The following SPCS2 variants were observed in gnomAD, a reference collection of about 807,000 sequenced individuals.
The protein encoded by SPCS2 is signal peptidase complex subunit 2, also known as SPase 25 kDa subunit.
In SPCS2, 3 loss-of-function variants were observed where a neutral mutation model predicts 22.3. The observed-to-expected ratio is 0.13, with a 90% CI of 0.06 to 0.35. SPCS2 has a LOEUF of 0.35. SPCS2 is among the 10% of genes least tolerant of loss of function. SPCS2 has a pLI of 1.00. For missense variants in SPCS2, 169 were observed against 280.9 expected (o/e 0.60, Z 2.85); for synonymous variants, 67 against 97.2 (o/e 0.69, Z 1.83).
chr11:74,949,676 C>T, intron 1 of SPCS2: 1 of 494,512 alleles, frequency 2.0e-6, no homozygotes, highest in South Asian at 1.5e-5. Flanking sequence ...TATATTTAAT[C>T]GTGTCCATCT....
At chr11:74,965,211 G>A in intron 2 of SPCS2, 94 bp downstream of exon 2, 2 of 804,366 alleles carry the variant, frequency 2.5e-6, no homozygotes, top group Non-Finnish European at 3.8e-6. Flanking sequence ...AGTGACCTTA[G>A]TTTTCAGTGT....
intron 2 of SPCS2, 33 bp from the exon 3 acceptor site, chr11:74,965,730 C>A (rs770526117): frequency 1.3e-6 from 2 of 1,568,844 alleles, no homozygotes; most frequent in South Asian, 2.2e-5. Context: ...AGGAAGTATT[C>A]CTATTAGCTT....
chr11:74,977,482 G>C lies in SPCS2; in HGVS notation c.*439G>C, dbSNP rs1948621873. On this transcript the variant is annotated 3_prime_UTR_variant, in exon 5 of 5. Coordinates refer to ENST00000263672, the MANE Select transcript of SPCS2 (RefSeq NM_014752.3). ...AGGATACAACTTCTTGTGTATGACA[G>C]CTTTCCTTCACACACTATTTTTGTG... The C allele has an allele frequency of 1.3e-5, 2 of 151,784 alleles. No individual in the cohort carries two copies. Among genetic ancestry groups the C allele is most frequent in the Admixed American group, 1.3e-4 (2 of 15,180 alleles). The allele number at this position is 151,784 out of a possible 1,614,324, so 9.4% of individuals were successfully genotyped here.
At chr11:74,962,548 CAAA>C (rs10708446) in intron 1 of SPCS2, among the ~76,000 whole-genome samples, 6 of 127,702 alleles carry the variant, frequency 4.7e-5, no homozygotes, top group Non-Finnish European at 3.3e-5. Flanking sequence ...AAAATTGAGG[CAAA>C]AAAAAAAAAA....
At chr11:74,974,111 C>CG (rs1555117024) in intron 4 of SPCS2, among the ~76,000 whole-genome samples, 12 of 148,362 alleles carry the variant, frequency 8.1e-5, no homozygotes, top group African/African-American at 3.0e-4. Flanking sequence ...CTTTGTAATA[C>CG]TTTTTTTTTT....
At chr11:74,970,578 T>A (rs1226486675) in intron 4 of SPCS2, among the ~76,000 whole-genome samples, 1 of 152,216 alleles carries the variant, frequency 6.6e-6, no homozygotes, top group African/African-American at 2.4e-5. Flanking sequence ...TAGGTACAAT[T>A]ATTTATATAT....
chr11:74,973,439 T>C (rs531160398), intron 4 of SPCS2, among the ~76,000 whole-genome samples: 1 of 152,354 alleles, frequency 6.6e-6, no homozygotes, highest in South Asian at 2.1e-4. Flanking sequence ...TCCTGTTTTC[T>C]ATCATGCCTT....
At chr11:74,967,692 T>C (rs1290036396) in intron 3 of SPCS2, among the ~76,000 whole-genome samples, 1 of 152,150 alleles carries the variant, frequency 6.6e-6, no homozygotes. Context: ...GAAGTCACAG[T>C]GAGCCGAGAT....
At chr11:74,952,845 C>G (rs2052015446) in intron 1 of SPCS2, among the ~76,000 whole-genome samples, 2 of 152,212 alleles carry the variant, frequency 1.3e-5, no homozygotes, top group South Asian at 4.1e-4. Flanking sequence ...TTCAGCCTTA[C>G]ATTGAACTGT....
intron 4 of SPCS2, among the ~76,000 whole-genome samples, chr11:74,971,045 C>T (rs1948581034): frequency 6.6e-6 from 1 of 151,988 alleles, no homozygotes; most frequent in East Asian, 1.9e-4. Context: ...GAGCCCTGGG[C>T]AACCACCAGT....
chr11:74,975,538 T>C (rs1412889870), intron 4 of SPCS2, among the ~76,000 whole-genome samples: 3 of 152,182 alleles, frequency 2.0e-5, no homozygotes, highest in African/African-American at 7.2e-5. Context: ...ACTCATCAGA[T>C]CATGGACTGC....
intron 4 of SPCS2, among the ~76,000 whole-genome samples, chr11:74,973,749 A>T (rs1280620736): frequency 6.6e-6 from 1 of 151,646 alleles, no homozygotes. Context: ...CTCCTCCCCC[A>T]TCTTTACTCT....
chr11:74,954,819 A>G (rs1283169116), intron 1 of SPCS2, among the ~76,000 whole-genome samples: 1 of 152,238 alleles, frequency 6.6e-6, no homozygotes, highest in Non-Finnish European at 1.5e-5. Context: ...TTCAAATCAT[A>G]TATCTGATAA....
In SPCS2 at chr11:74,965,918, C is replaced by T; in HGVS notation, c.354C>T (p.Val118=). The T allele has an allele frequency of 6.2e-7, 1 of 1,608,436 alleles. No homozygotes were observed. Among genetic ancestry groups the T allele is most frequent in the South Asian group, 1.1e-5 (1 of 89,512 alleles). ...CCAAACCCGTTTTGGCTTTGTGTGT[C>T]ATATCATATCCTTTATTTATGCTCA... ...PESKPVLALC[V]ISYFVMMGIL... is the part of the protein sequence containing the mutation. Residue 118 remains valine (V), a synonymous_variant, in exon 3 of 5, where the codon GTC becomes GTT. Transcript: ENST00000263672.
At chr11:74,960,380 T>G (rs1256777473) in intron 1 of SPCS2, among the ~76,000 whole-genome samples, 1 of 152,138 alleles carries the variant, frequency 6.6e-6, no homozygotes, top group Non-Finnish European at 1.5e-5. Context: ...GGGAGTAATT[T>G]CTTTAAGATA....
intron 4 of SPCS2, 101 bp from the exon 5 acceptor site, chr11:74,976,756 C>A: frequency 6.8e-7 from 1 of 1,461,894 alleles, no homozygotes; most frequent in Non-Finnish European, 9.4e-7. Flanking sequence ...TATCACCGTG[C>A]CCAGCTTACT....
intron 2 of SPCS2, 56 bp from the exon 3 acceptor site, chr11:74,965,706 AG>A: frequency 7.0e-7 from 1 of 1,430,618 alleles, no homozygotes; most frequent in Non-Finnish European, 9.7e-7. Context: ...CAAGAATAAA[AG>A]CACATACTGG....
intron 4 of SPCS2, among the ~76,000 whole-genome samples, chr11:74,971,292 A>G (rs1948582494): frequency 1.3e-5 from 2 of 152,168 alleles, no homozygotes; most frequent in South Asian, 2.1e-4. Flanking sequence ...TTTGGCTATT[A>G]TGAATAATGT....
chr11:74,949,314 G>T lies in SPCS2; in HGVS notation c.29G>T (p.Arg10Ile). ...GCGGCGGCAGCTGTACAGGGCGGGA[G>T]AAGCGGTGGTAGCGGAGGCTGTAGT... MAAAAVQGG[R>I]SGGSGGCSGA... The change falls in exon 1 of 5, where the codon AGA becomes ATA. Residue 10 changes from arginine (R) to isoleucine (I), a missense_variant. Coordinates refer to ENST00000263672, the MANE Select transcript of SPCS2 (RefSeq NM_014752.3). 1 of 1,550,492 alleles carries T rather than the reference G, an allele frequency of 6.4e-7. No homozygotes were observed. Among genetic ancestry groups the T allele is most frequent in the Non-Finnish European group, 8.7e-7 (1 of 1,146,644 alleles).
Sources: allele counts gnomAD v4.1 joint callset (sites outside exome capture counted in the v4.1 genomes callset), GRCh38; gene constraint gnomAD v4.1.1; transcripts MANE v1.5; gene names NCBI Gene and HGNC (gene_info 2026-07-23, HGNC 2026-07-21).